Variants in MEAK7 observed in about 807,000 individuals in gnomAD.
MEAK7 encodes the protein MTOR associated protein MEAK7, also known as MTOR-associated protein MEAK7.
In MEAK7, 68 loss-of-function variants were observed where a neutral mutation model predicts 40.5. The ratio of observed to expected loss-of-function variants is 1.68; its 90% CI spans 1.38 to 2.06. The LOEUF (loss-of-function observed/expected upper bound fraction) is 2.06. Ranked by LOEUF, MEAK7 falls within the 30% of genes most tolerant of loss-of-function variation. The probability of loss-of-function intolerance (pLI) is 0.00; values close to 1 mark genes in which losing one functional copy is unlikely to be tolerated. For missense variants in MEAK7, 918 were observed against 580.5 expected, an observed-to-expected ratio of 1.58 and a Z score of -5.98; for synonymous variants, 338 against 231.9, an observed-to-expected ratio of 1.46 and a Z score of -4.16.
chr16:84,493,561 T>A (rs1278725769), intron 3 of MEAK7, among the ~76,000 whole-genome samples: 1 of 152,260 alleles, frequency 6.6e-6, no homozygotes, highest in East Asian at 1.9e-4. Flanking sequence ...AACTTTCTCT[T>A]TTAAGCTATT....
intron 5 of MEAK7, among the ~76,000 whole-genome samples, chr16:84,484,427 A>C (rs1912856129): frequency 6.6e-6 from 1 of 152,204 alleles, no homozygotes; most frequent in Admixed American, 6.5e-5. Flanking sequence ...GGCCCAGAAA[A>C]TGAATCAATC....
At chr16:84,490,499 G>T (rs1913492154) in intron 3 of MEAK7, among the ~76,000 whole-genome samples, 2 of 121,164 alleles carry the variant, frequency 1.7e-5, no homozygotes, top group Admixed American at 1.1e-4. Flanking sequence ...GCCTGAGTTT[G>T]GTTCCTACAT....
At chr16:84,492,628 C>G (rs960892749) in intron 3 of MEAK7, among the ~76,000 whole-genome samples, 2 of 145,526 alleles carry the variant, frequency 1.4e-5, no homozygotes, top group Admixed American at 1.4e-4. Context: ...GTCACCCAGG[C>G]TAGAGTGCAG....
Position 84,479,830 on chromosome 16 carries a change from T to C in MEAK7, c.*83A>G, listed in dbSNP as rs577647148. 3.8e-6 allele frequency: 4 copies of C among 1,047,552 alleles called. No individual in the cohort carries two copies. Among genetic ancestry groups the C allele is most frequent in the Admixed American group, 2.5e-5 (1 of 39,228 alleles). The allele number at this position is 1,047,552 out of a possible 1,614,324, so 64.9% of individuals were successfully genotyped here. A position where few individuals can be genotyped will look rare whatever the true frequency, so the allele number is the denominator to read the frequency against. On this transcript the variant is annotated 3_prime_UTR_variant, in exon 8 of 8. Transcript: ENST00000343629. Reference sequence around the variant, plus strand: ...GCGGTACGCTATTACAGTTAAACCATGTGGGAGGGAAGAGGGGCTGCAGGC... The same window carrying C: ...GCGGTACGCTATTACAGTTAAACCACGTGGGAGGGAAGAGGGGCTGCAGGC...
intron 3 of MEAK7, among the ~76,000 whole-genome samples, chr16:84,491,815 T>G (rs879751676): frequency 1.8e-4 from 26 of 145,692 alleles, no homozygotes; most frequent in Non-Finnish European, 3.4e-4. Context: ...CCAGCCTCGG[T>G]GAAGGCGCAA....
Position 84,490,732 on chromosome 16 carries a change from G to A in MEAK7, c.385-1310C>T, listed in dbSNP as rs1265917098. ...CATAATGCCTTTTTGTCTCTCCTAG[G>A]GTCTTGTTTTTAGAAAAAAGAAGAT... On this transcript the variant is annotated intron_variant, in intron 3 of 7. Coordinates refer to ENST00000343629, the MANE Select transcript of MEAK7 (RefSeq NM_020947.4). Among the ~76,000 whole-genome samples the A allele has an allele frequency of 2.2e-5, 3 of 136,758 alleles. No homozygotes were observed. In the South Asian group the frequency reaches 7.5e-4, roughly 34 times the overall value. The allele number at this position is 136,758 out of a possible 152,430, so 89.7% of individuals were successfully genotyped here.
intron 5 of MEAK7, among the ~76,000 whole-genome samples, chr16:84,484,943 G>A (rs1391299634): frequency 3.9e-5 from 6 of 152,194 alleles, no homozygotes; most frequent in Non-Finnish European, 5.9e-5. Flanking sequence ...AAAACATAAA[G>A]AGCCAGCAGA....
chr16:84,498,002 C>T lies in MEAK7; in HGVS notation c.85G>A (p.Asp29Asn). Residue 29 changes from aspartate (D) to asparagine (N), a missense_variant, in exon 2 of 8, where the codon GAT becomes AAT. Coordinates refer to ENST00000343629, the MANE Select transcript of MEAK7 (RefSeq NM_020947.4). ...CTGTTTTTATCTGATGACAGAGCATCAAACAATTGATCAATCTCTGCCTGT... is the reference window on the plus strand; with the variant it reads ...CTGTTTTTATCTGATGACAGAGCATTAAACAATTGATCAATCTCTGCCTGT... ...EEQAEIDQLFDALSSDKNSPN... is the reference protein window; with the variant it reads ...EEQAEIDQLFNALSSDKNSPN... 1.2e-6 allele frequency: 2 copies of T among 1,614,184 alleles called. No homozygotes were observed. The highest frequency in any genetic ancestry group is 1.7e-6 in the Non-Finnish European group (2 of 1,180,030).
At chr16:84,484,271 T>TG (rs1297959813) in intron 5 of MEAK7, among the ~76,000 whole-genome samples, 1 of 152,176 alleles carries the variant, frequency 6.6e-6, no homozygotes, top group Admixed American at 6.5e-5. Context: ...TGATTATCTG[T>TG]GGAAAAAAGT....
intron 3 of MEAK7, among the ~76,000 whole-genome samples, chr16:84,489,781 G>A (rs1339462171): frequency 6.6e-6 from 1 of 152,074 alleles, no homozygotes; most frequent in Non-Finnish European, 1.5e-5. Context: ...CCCCAAATTT[G>A]GTTGAGATCT....
chr16:84,497,864 C>G (rs1914180942), intron 2 of MEAK7, 70 bp downstream of exon 2: 3 of 1,598,062 alleles, frequency 1.9e-6, no homozygotes. Flanking sequence ...AAAGCAGATT[C>G]TGGCCTGAAA....
chr16:84,495,823 G>A lies in MEAK7; in HGVS notation c.244C>T (p.Pro82Ser), dbSNP rs1249122362. 6.2e-7 allele frequency: 1 copy of A among 1,613,918 alleles called. No individual in the cohort carries two copies. Among genetic ancestry groups the A allele is most frequent in the African/African-American group, 1.3e-5 (1 of 74,852 alleles). The change falls in exon 3 of 8, where the codon CCC becomes TCC. Residue 82 changes from proline (P) to serine (S), a missense_variant. Transcript: ENST00000343629. ...TGCTCCTGGGACACGTTCTCACTGG[G>A]TCCCTTCGCCTTCCCTGTCAGGTCG... Reference protein sequence around the residue: ...RVDLTGKAKGPSENVSQEQFT... With the variant: ...RVDLTGKAKGSSENVSQEQFT...
intron 1 of MEAK7, among the ~76,000 whole-genome samples, chr16:84,503,104 T>C (rs392747): frequency 0.17 from 25,995 of 152,210 alleles, 2,458 homozygotes; most frequent in South Asian, 0.25. Context: ...GTTAGGGATA[T>C]CCAATCTTTC....
At chr16:84,489,253 C>T (rs749026952) in intron 4 of MEAK7, 25 bp downstream of exon 4, 1 of 1,610,796 alleles carries the variant, frequency 6.2e-7, no homozygotes, top group South Asian at 1.1e-5. Context: ...AAAAGACCTG[C>T]ATCACCGCGT....
chr16:84,500,478 T>A (rs1914406390), intron 1 of MEAK7, among the ~76,000 whole-genome samples: 1 of 152,176 alleles, frequency 6.6e-6, no homozygotes, highest in Non-Finnish European at 1.5e-5. Context: ...ATGACACCCA[T>A]CTTCGCAGCG....
chr16:84,488,229 G>A (rs1470268184), intron 4 of MEAK7: 1 of 152,028 alleles, frequency 6.6e-6, no homozygotes, highest in Non-Finnish European at 1.5e-5. Context: ...ACTGATTCTA[G>A]ATGGATGAAC....
Position 84,478,043 on chromosome 16 carries a change from CATTTA to C in MEAK7, c.*1865_*1869del, listed in dbSNP as rs1424131284. On this transcript the variant is annotated 3_prime_UTR_variant, in exon 8 of 8. Transcript: ENST00000343629. Reference sequence around the variant, plus strand: ...TCACCAAGGCACAGACACTGACGGACATTTAATTTTTTTTTTAACTGAGGCATCAT... The same window carrying C: ...TCACCAAGGCACAGACACTGACGGACATTTTTTTTTTAACTGAGGCATCAT... 3 of 90,358 alleles carry C rather than the reference CATTTA, an allele frequency of 3.3e-5. No homozygotes were observed. Among genetic ancestry groups the C allele is most frequent in the African/African-American group, 8.7e-5 (3 of 34,676 alleles). 5.6% of individuals were successfully genotyped at this position (90,358 alleles called of 1,614,324 possible).
Position 84,489,323 on chromosome 16 carries a change from C to T in MEAK7, c.484G>A (p.Val162Met). Reference protein sequence around the residue: ...GKEAPGPNPRVQVLAAQLLSD... With the variant: ...GKEAPGPNPRMQVLAAQLLSD... ...AGCAGCTGAGCAGCCAGCACCTGCA[C>T]CCGGGGGTTGGGCCCTGGGGCTTCC... Residue 162 changes from valine to methionine, a missense_variant, in exon 4 of 8, where the codon GTG becomes ATG. Physicochemically the swap from Val to Met is conservative, Grantham distance 21. Coordinates refer to ENST00000343629, the MANE Select transcript of MEAK7 (RefSeq NM_020947.4). The T allele has an allele frequency of 6.2e-7, 1 of 1,614,198 alleles. No homozygotes were observed. Among genetic ancestry groups the T allele is most frequent in the South Asian group, 1.1e-5 (1 of 91,084 alleles).
chr16:84,486,588 C>G (rs1332622978), intron 5 of MEAK7, 43 bp downstream of exon 5: 1 of 1,539,216 alleles, frequency 6.5e-7, no homozygotes, highest in African/African-American at 1.4e-5. Context: ...AGCTCTTTGC[C>G]CGTGCTGTGC....
Sources: gnomAD v4.1 joint callset for allele counts (sites outside exome capture counted in the v4.1 genomes callset) on GRCh38, gnomAD v4.1.1 for gene constraint, MANE v1.5 for transcripts, NCBI Gene and HGNC (gene_info 2026-07-23, HGNC 2026-07-21) for gene names.